RHBDL3: variants seen among roughly 807,000 people sequenced by gnomAD.
RHBDL3 encodes rhomboid-related protein 3.
A neutral mutation model predicts 48.2 loss-of-function variants in RHBDL3; 28 were observed. The observed-to-expected ratio is 0.58, with a 90% CI of 0.43 to 0.80. The LOEUF is 0.80. RHBDL3 is among the 30% of genes least tolerant of loss of function. RHBDL3 has a pLI of 0.00. For synonymous variants in RHBDL3, 208 were observed against 232.3 expected (o/e 0.90, Z 0.95); for missense variants, 464 against 542.7 (o/e 0.85, Z 1.44).
At chr17:32,269,550 G>A (rs988663684) in intron 2 of RHBDL3, among the ~76,000 whole-genome samples, 2 of 152,204 alleles carry the variant, frequency 1.3e-5, no homozygotes, top group Admixed American at 1.3e-4. Flanking sequence ...GCTGTGGTTT[G>A]AAGTTCAAAG....
chr17:32,266,216 C>T lies in RHBDL3; in HGVS notation c.27C>T (p.Pro9=), dbSNP rs1382319950. The change falls in exon 1 of 9, where the codon CCC becomes CCT. Residue 9 remains proline, a synonymous_variant. Transcript: ENST00000269051. ...TGGGCGAGCACCCCAGCCCGGGCCC[C>T]GCGGTGGCCGCCTGCGCCGAGGCGG... MGEHPSPG[P]AVAACAEAER... is the part of the protein sequence containing the mutation. 7 of 1,413,690 alleles carry T rather than the reference C, an allele frequency of 5.0e-6. No individual in the cohort carries two copies. The highest frequency in any genetic ancestry group is 6.4e-6 in the Non-Finnish European group (7 of 1,089,710). The allele number at this position is 1,413,690 out of a possible 1,614,324, so 87.6% of individuals were successfully genotyped here. A position where few individuals can be genotyped will look rare whatever the true frequency, so the allele number is the denominator to read the frequency against.
chr17:32,285,226 C>T (rs533969334), intron 3 of RHBDL3, among the ~76,000 whole-genome samples: 1 of 152,182 alleles, frequency 6.6e-6, no homozygotes, highest in African/African-American at 2.4e-5. Context: ...GTAGCTCTTG[C>T]ACAAGGCCTG....
chr17:32,278,935 T>G (rs2039977167), intron 2 of RHBDL3, among the ~76,000 whole-genome samples: 1 of 152,146 alleles, frequency 6.6e-6, no homozygotes, highest in East Asian at 1.9e-4. Flanking sequence ...AAGACCAGCC[T>G]GGGCAACATA....
intron 2 of RHBDL3, among the ~76,000 whole-genome samples, chr17:32,278,487 A>G (rs2039965616): frequency 6.6e-6 from 1 of 152,170 alleles, no homozygotes; most frequent in Admixed American, 6.5e-5. Context: ...CTGTTTCCCC[A>G]TAAAACGAGT....
chr17:32,280,065 C>G (rs1358868719), intron 2 of RHBDL3, among the ~76,000 whole-genome samples: 1 of 152,152 alleles, frequency 6.6e-6, no homozygotes, highest in Non-Finnish European at 1.5e-5. Flanking sequence ...GATTAAAGGC[C>G]GAGGCAGGTG....
chr17:32,281,490 G>A (rs1451175819), intron 2 of RHBDL3, among the ~76,000 whole-genome samples: 1 of 152,082 alleles, frequency 6.6e-6, no homozygotes, highest in Non-Finnish European at 1.5e-5. Context: ...CCCTCCTGCA[G>A]CCCCCACTGG....
chr17:32,293,984 C>T (rs139948454), intron 4 of RHBDL3, among the ~76,000 whole-genome samples: 2,458 of 152,176 alleles, frequency 0.016, 64 homozygotes, highest in African/African-American at 0.056. Flanking sequence ...CAAAATTAGC[C>T]AGGCGTGGTG....
intron 8 of RHBDL3, 29 bp from the exon 9 acceptor site, chr17:32,320,929 T>C: frequency 6.3e-7 from 1 of 1,577,998 alleles, no homozygotes; most frequent in Non-Finnish European, 8.7e-7. Context: ...GGCCCTCCTG[T>C]GACATCTCTC....
intron 8 of RHBDL3, among the ~76,000 whole-genome samples, chr17:32,318,091 C>T (rs568704181): frequency 2.0e-4 from 30 of 149,968 alleles, no homozygotes; most frequent in Admixed American, 1.5e-3. Context: ...TGGTGGCTTG[C>T]GCCTGTAGTC....
At chr17:32,317,948 C>T (rs1357749983) in intron 8 of RHBDL3, among the ~76,000 whole-genome samples, 1 of 152,000 alleles carries the variant, frequency 6.6e-6, no homozygotes, top group African/African-American at 2.4e-5. Flanking sequence ...GTGGCTGACG[C>T]CTGTAATCCC....
intron 7 of RHBDL3, among the ~76,000 whole-genome samples, chr17:32,308,613 CAAAA>C (rs895562458): frequency 2.0e-5 from 3 of 151,320 alleles, no homozygotes; most frequent in Admixed American, 1.3e-4. Flanking sequence ...AGCCCTGTCT[CAAAA>C]AAAAGAAAGA....
chr17:32,276,433 A>C (rs1037808595), intron 2 of RHBDL3, among the ~76,000 whole-genome samples: 1 of 152,112 alleles, frequency 6.6e-6, no homozygotes, highest in South Asian at 2.1e-4. Context: ...CCTGGACCTA[A>C]TTTACGGGGC....
chr17:32,284,455 G>A, intron 2 of RHBDL3: 1 of 529,668 alleles, frequency 1.9e-6, no homozygotes, highest in Non-Finnish European at 3.3e-6. Flanking sequence ...GTTGGATTGG[G>A]TGATCCTGAA....
At chr17:32,283,684 TC>T (rs2040125167) in intron 2 of RHBDL3, among the ~76,000 whole-genome samples, 1 of 152,202 alleles carries the variant, frequency 6.6e-6, no homozygotes, top group African/African-American at 2.4e-5. Context: ...GCCTGTCTGT[TC>T]ATCTGAACAC....
At chr17:32,266,716 C>A (rs2039641265) in intron 1 of RHBDL3, among the ~76,000 whole-genome samples, 1 of 152,200 alleles carries the variant, frequency 6.6e-6, no homozygotes, top group Non-Finnish European at 1.5e-5. Flanking sequence ...CCGTCCCTGG[C>A]CATGCAAGCC....
At chr17:32,292,703 G>A (rs555879218) in intron 4 of RHBDL3, among the ~76,000 whole-genome samples, 8 of 151,552 alleles carry the variant, frequency 5.3e-5, no homozygotes, top group Admixed American at 1.3e-4. Context: ...TTGGGAGGCT[G>A]AGGCAGGAGA....
chr17:32,292,781 G>T (rs980258692), intron 4 of RHBDL3, among the ~76,000 whole-genome samples: 1 of 131,944 alleles, frequency 7.6e-6, no homozygotes, highest in Admixed American at 8.5e-5. Flanking sequence ...CAGCCTGGGC[G>T]ACAGAGCGAG....
At position 32,321,187 on chromosome 17, in the gene RHBDL3, T is replaced by C; in HGVS notation, c.1173T>C (p.Phe391=). The C allele has an allele frequency of 6.2e-7, 1 of 1,614,200 alleles. No homozygotes were observed. Among genetic ancestry groups the C allele is most frequent in the South Asian group, 1.1e-5 (1 of 91,088 alleles). Residue 391 remains phenylalanine (F), a synonymous_variant, in exon 9 of 9, where the codon TTT becomes TTC. Transcript: ENST00000269051. ...FVLFAVFWNI[F]AYTLLDLKLP... ...TGTTCGCTGTCTTCTGGAACATCTT[T>C]GCCTACACCCTGCTGGACTTAAAGC...
chr17:32,291,366 A>C (rs1333131220), intron 4 of RHBDL3, among the ~76,000 whole-genome samples: 1 of 150,748 alleles, frequency 6.6e-6, no homozygotes, highest in Non-Finnish European at 1.5e-5. Flanking sequence ...AAAAGAATTT[A>C]GGACCTTGAG....
Sources: gnomAD v4.1 joint callset for allele counts (sites outside exome capture counted in the v4.1 genomes callset) on GRCh38, gnomAD v4.1.1 for gene constraint, MANE v1.5 for transcripts, NCBI Gene and HGNC (gene_info 2026-07-23, HGNC 2026-07-21) for gene names.